POU2F3: variants seen among roughly 807,000 people sequenced by gnomAD.
The protein encoded by POU2F3 is POU class 2 homeobox 3, also known as POU domain, class 2, transcription factor 3.
In POU2F3, 23 loss-of-function variants were observed where a neutral mutation model predicts 59.2. That is an observed-to-expected ratio of 0.39 (90% CI 0.28 to 0.55). The LOEUF (loss-of-function observed/expected upper bound fraction) is 0.55, where lower values mean the gene tolerates loss of function less well. Ranked by LOEUF, POU2F3 falls within the 20% of genes least tolerant of loss-of-function variation. The pLI is 0.66. For synonymous variants in POU2F3, 190 were observed against 214.6 expected (o/e 0.89, Z 1.00); for missense variants, 473 against 544.5 (o/e 0.87, Z 1.31).
chr11:120,264,339 G>A (rs1248303225), intron 2 of POU2F3, among the ~76,000 whole-genome samples: 2 of 152,162 alleles, frequency 1.3e-5, no homozygotes, highest in Non-Finnish European at 2.9e-5. Flanking sequence ...AGCTGAGATC[G>A]CACCACTGCA....
At chr11:120,241,292 A>C (rs1004900527) in intron 1 of POU2F3, among the ~76,000 whole-genome samples, 48 of 152,134 alleles carry the variant, frequency 3.2e-4, no homozygotes, top group African/African-American at 1.1e-3. Flanking sequence ...GGGGCTGTTG[A>C]TGGGAATGTT....
upstream of POU2F3, among the ~76,000 whole-genome samples, chr11:120,237,335 C>G (rs1161331207): frequency 6.6e-6 from 1 of 152,110 alleles, no homozygotes; most frequent in Non-Finnish European, 1.5e-5. Context: ...CACCCAGCCC[C>G]TTCTGCCCCG....
At chr11:120,266,523 A>G (rs1362305288) in intron 2 of POU2F3, among the ~76,000 whole-genome samples, 2 of 152,050 alleles carry the variant, frequency 1.3e-5, no homozygotes, top group Admixed American at 1.3e-4. Flanking sequence ...AGCAGATCCC[A>G]TGCCAACTCT....
chr11:120,267,465 C>G (rs901648017), intron 2 of POU2F3, among the ~76,000 whole-genome samples: 2 of 152,090 alleles, frequency 1.3e-5, no homozygotes, highest in African/African-American at 4.8e-5. Context: ...AGGCTTTGCT[C>G]AGAGATCATT....
chr11:120,282,492 C>T (rs900399190), intron 3 of POU2F3, among the ~76,000 whole-genome samples: 1 of 152,056 alleles, frequency 6.6e-6, no homozygotes, highest in African/African-American at 2.4e-5. Flanking sequence ...CCTGTCTCTA[C>T]TAAAAACATA....
chr11:120,287,508 C>A (rs923483251), intron 3 of POU2F3, among the ~76,000 whole-genome samples: 2 of 152,216 alleles, frequency 1.3e-5, no homozygotes, highest in African/African-American at 2.4e-5. Context: ...TCAGCCCTAA[C>A]CCTTGAGACC....
chr11:120,258,311 TG>T (rs1565359470), intron 2 of POU2F3, among the ~76,000 whole-genome samples: 1 of 152,264 alleles, frequency 6.6e-6, no homozygotes, highest in East Asian at 1.9e-4. Context: ...CTGGCAAGGC[TG>T]GGGTAAGGCT....
chr11:120,243,273 T>C (rs1417019088), intron 1 of POU2F3, among the ~76,000 whole-genome samples: 2 of 152,058 alleles, frequency 1.3e-5, no homozygotes, highest in African/African-American at 4.8e-5. Context: ...TCCAAGAACA[T>C]GAAGATGGAC....
intron 8 of POU2F3, among the ~76,000 whole-genome samples, 167 bp from the exon 9 acceptor site, chr11:120,307,312 G>A (rs1175609227): frequency 6.6e-6 from 1 of 152,196 alleles, no homozygotes; most frequent in Non-Finnish European, 1.5e-5. Context: ...GCAATGAAAA[G>A]AAATAGGATT....
intron 1 of POU2F3, among the ~76,000 whole-genome samples, chr11:120,242,112 C>A (rs2135116835): frequency 6.6e-6 from 1 of 152,304 alleles, no homozygotes; most frequent in Non-Finnish European, 1.5e-5. Flanking sequence ...CATTTGCCTG[C>A]TCCCTCCCCA....
At chr11:120,242,010 T>TG (rs911788950) in intron 1 of POU2F3, among the ~76,000 whole-genome samples, 2 of 152,104 alleles carry the variant, frequency 1.3e-5, no homozygotes, top group Non-Finnish European at 2.9e-5. Context: ...TCCCGACACA[T>TG]GGGGGGAGAC....
chr11:120,245,266 T>C (rs1938823545), intron 1 of POU2F3, among the ~76,000 whole-genome samples: 1 of 151,964 alleles, frequency 6.6e-6, no homozygotes, highest in South Asian at 2.1e-4. Flanking sequence ...CATGAAAAAG[T>C]AGGTTTTCTC....
In POU2F3 at chr11:120,243,408, T is replaced by C. The variant is rs112525221; in HGVS notation, c.28+3037T>C. Among the ~76,000 whole-genome samples the C allele has an allele frequency of 5.5e-3, 832 of 152,056 alleles. 7 individuals carry two copies. The highest frequency in any genetic ancestry group is 0.019 in the African/African-American group (797 of 41,438). ...AGCTTTCTTCCCTGGGGTTCACAGA[T>C]GTCTAAGGAGGGCCCACTCCTGGTC... On this transcript the variant is annotated intron_variant, in intron 1 of 12. Transcript: ENST00000543440.
intron 3 of POU2F3, among the ~76,000 whole-genome samples, chr11:120,282,622 C>T (rs927594800): frequency 1.2e-4 from 18 of 152,124 alleles, no homozygotes; most frequent in African/African-American, 4.1e-4. Flanking sequence ...CACCACTGCA[C>T]TCCAGCCTGG....
chr11:120,245,333 C>A (rs1591370921), intron 1 of POU2F3, among the ~76,000 whole-genome samples: 2 of 152,278 alleles, frequency 1.3e-5, no homozygotes, highest in Admixed American at 1.3e-4. Context: ...CATCTCCAGA[C>A]CTGGGCATCC....
At chr11:120,290,134 A>G (rs993728940) in intron 3 of POU2F3, among the ~76,000 whole-genome samples, 1 of 152,232 alleles carries the variant, frequency 6.6e-6, no homozygotes, top group Non-Finnish European at 1.5e-5. Context: ...CCACAGGAGT[A>G]CAAGAGACAA....
At chr11:120,249,954 T>C (rs1183848274) in intron 2 of POU2F3, 1 of 152,226 alleles carries the variant, frequency 6.6e-6, no homozygotes, top group African/African-American at 2.4e-5. Context: ...CAGACTCTTA[T>C]CCTAGGTCTG....
intron 3 of POU2F3, among the ~76,000 whole-genome samples, chr11:120,276,119 A>G (rs1037492941): frequency 3.3e-5 from 5 of 152,154 alleles, no homozygotes; most frequent in Non-Finnish European, 7.3e-5. Context: ...GTCCGTGGTG[A>G]TGGCAGAGTA....
upstream of POU2F3, chr11:120,236,694 T>A (rs1328211740): frequency 6.7e-7 from 1 of 1,503,502 alleles, no homozygotes; most frequent in South Asian, 1.2e-5. Flanking sequence ...CAAGAACTGC[T>A]AAAGGAGGAA....
Sources: gnomAD v4.1 joint callset for allele counts (sites outside exome capture counted in the v4.1 genomes callset) on GRCh38, gnomAD v4.1.1 for gene constraint, MANE v1.5 for transcripts, NCBI Gene and HGNC (gene_info 2026-07-23, HGNC 2026-07-21) for gene names.